ANKFN1: variants seen among roughly 807,000 people sequenced by gnomAD.
ANKFN1 encodes ankyrin repeat and fibronectin type III domain containing 1.
Under a neutral mutation model 108.7 loss-of-function variants are expected in ANKFN1, and 74 were observed. The ratio of observed to expected loss-of-function variants is 0.68; its 90% CI spans 0.56 to 0.83. The LOEUF is 0.83. Ranked by LOEUF, ANKFN1 falls within the 40% of genes least tolerant of loss-of-function variation. The probability of loss-of-function intolerance (pLI) is 0.00; values close to 1 mark genes in which losing one functional copy is unlikely to be tolerated. For synonymous variants in ANKFN1, 547 were observed against 516.2 expected (o/e 1.06, Z -0.81); for missense variants, 1,505 against 1,382.3 (o/e 1.09, Z -1.41).
chr17:56,282,574 A>T (rs1192031776), intron 3 of ANKFN1, among the ~76,000 whole-genome samples: 1 of 152,246 alleles, frequency 6.6e-6, no homozygotes, highest in African/African-American at 2.4e-5. Context: ...GTTTGAAATG[A>T]TTGCAATAGT....
chr17:56,136,503 A>G (rs1370291112), intron 4 of ANKFN1, among the ~76,000 whole-genome samples: 1 of 152,214 alleles, frequency 6.6e-6, no homozygotes, highest in Non-Finnish European at 1.5e-5. Flanking sequence ...TTGGCAGACA[A>G]TTCTGCCCTG....
At chr17:56,457,802 G>A in intron 13 of ANKFN1, 61 bp from the exon 14 acceptor site, 1 of 1,309,044 alleles carries the variant, frequency 7.6e-7, no homozygotes, top group Non-Finnish European at 1.1e-6. Flanking sequence ...TTGCTTTGAT[G>A]CCACAACCTA....
chr17:56,129,581 T>G (rs1461492999), intron 4 of ANKFN1, among the ~76,000 whole-genome samples: 1 of 152,244 alleles, frequency 6.6e-6, no homozygotes, highest in African/African-American at 2.4e-5. Flanking sequence ...TAAGGTTACT[T>G]TCTGAAATAG....
chr17:56,434,005 C>T (rs933779929), intron 8 of ANKFN1, among the ~76,000 whole-genome samples: 13 of 152,000 alleles, frequency 8.6e-5, no homozygotes, highest in South Asian at 2.1e-4. Context: ...CACTACACTC[C>T]GTCCTGGGCG....
At chr17:56,192,942 C>T (rs916881666) in intron 1 of ANKFN1, among the ~76,000 whole-genome samples, 5 of 141,338 alleles carry the variant, frequency 3.5e-5, no homozygotes, top group African/African-American at 1.1e-4. Context: ...GCTATAAAGA[C>T]ACATGCACAC....
intron 2 of ANKFN1, among the ~76,000 whole-genome samples, chr17:56,214,165 G>C (rs572279285): frequency 1.7e-4 from 26 of 152,350 alleles, no homozygotes; most frequent in African/African-American, 4.8e-4. Context: ...TCACAAAAAT[G>C]TGGGGAGGTC....
intron 8 of ANKFN1, among the ~76,000 whole-genome samples, chr17:56,439,223 G>A (rs1295925832): frequency 6.6e-6 from 1 of 152,066 alleles, no homozygotes. Context: ...CTTTGGAGAT[G>A]GTTTGATTTT....
At chr17:56,171,338 C>G (rs1256706796) in intron 1 of ANKFN1, among the ~76,000 whole-genome samples, 1 of 152,134 alleles carries the variant, frequency 6.6e-6, no homozygotes, top group Non-Finnish European at 1.5e-5. Context: ...GGAATCCTGT[C>G]TCCAGGATTA....
At chr17:56,082,441 C>CAAAA (rs369552706) in intron 4 of ANKFN1, among the ~76,000 whole-genome samples, 3 of 149,692 alleles carry the variant, frequency 2.0e-5, no homozygotes, top group Non-Finnish European at 4.4e-5. Context: ...CACACACACA[C>CAAAA]AAAAAAAAAC....
intron 8 of ANKFN1, among the ~76,000 whole-genome samples, chr17:56,413,068 T>C (rs2048142676): frequency 6.6e-6 from 1 of 152,192 alleles, no homozygotes; most frequent in South Asian, 2.1e-4. Flanking sequence ...AAGTTTGAGC[T>C]TATTTCAAGT....
intron 8 of ANKFN1, among the ~76,000 whole-genome samples, chr17:56,417,184 A>C (rs1377584956): frequency 1.3e-5 from 2 of 152,170 alleles, no homozygotes; most frequent in African/African-American, 4.8e-5. Flanking sequence ...GTCATTAATA[A>C]TTTAATTTTA....
chr17:56,472,794 A>C (rs1364662859), intron 15 of ANKFN1: 1 of 152,246 alleles, frequency 6.6e-6, no homozygotes, highest in Non-Finnish European at 1.5e-5. Context: ...TGAAAATATC[A>C]GGGAAGGCAT....
intron 4 of ANKFN1, among the ~76,000 whole-genome samples, chr17:56,091,907 G>A (rs1905427899): frequency 6.6e-6 from 1 of 151,372 alleles, no homozygotes; most frequent in African/African-American, 2.4e-5. Context: ...GACAGGGAGA[G>A]TATCATTTCC....
intron 1 of ANKFN1, among the ~76,000 whole-genome samples, chr17:56,208,038 A>C (rs571208023): frequency 6.6e-6 from 1 of 152,154 alleles, no homozygotes; most frequent in Non-Finnish European, 1.5e-5. Flanking sequence ...ACAGAGTCTC[A>C]CTTGCTCTGC....
At chr17:56,073,183 G>T (rs1465844928) in intron 4 of ANKFN1, among the ~76,000 whole-genome samples, 1 of 151,880 alleles carries the variant, frequency 6.6e-6, no homozygotes, top group South Asian at 2.1e-4. Flanking sequence ...TAGTAGAGAC[G>T]GGGTTTCACC....
chr17:56,459,143 C>G (rs1352455177), intron 14 of ANKFN1, among the ~76,000 whole-genome samples: 1 of 152,104 alleles, frequency 6.6e-6, no homozygotes, highest in Non-Finnish European at 1.5e-5. Context: ...TGGAATCTCT[C>G]TCTGTCTCCC....
At chr17:56,468,532 T>C (rs565781800) in intron 15 of ANKFN1, among the ~76,000 whole-genome samples, 2 of 152,116 alleles carry the variant, frequency 1.3e-5, no homozygotes, top group East Asian at 1.9e-4. Flanking sequence ...CAGTAGCATA[T>C]CCACAGACAG....
chr17:56,052,713 A>T (rs992024703), intron 4 of ANKFN1, among the ~76,000 whole-genome samples: 1 of 152,048 alleles, frequency 6.6e-6, no homozygotes, highest in African/African-American at 2.4e-5. Flanking sequence ...TTCTAGCTAC[A>T]TTGTTTCATG....
chr17:56,147,617 A>G (rs1222152485), intron 4 of ANKFN1, among the ~76,000 whole-genome samples: 1 of 152,002 alleles, frequency 6.6e-6, no homozygotes, highest in Non-Finnish European at 1.5e-5. Flanking sequence ...TGATTCACTT[A>G]TCTCCACCTG....
Sources: gnomAD v4.1 joint callset for allele counts (sites outside exome capture counted in the v4.1 genomes callset) on GRCh38, gnomAD v4.1.1 for gene constraint, MANE v1.5 for transcripts, NCBI Gene and HGNC (gene_info 2026-07-23, HGNC 2026-07-21) for gene names.